KLHL29: variants seen among roughly 807,000 people sequenced by gnomAD.
KLHL29 encodes kelch like family member 29.
In KLHL29, 21 loss-of-function variants were observed where a neutral mutation model predicts 80.4. The ratio of observed to expected loss-of-function variants is 0.26; its 90% CI spans 0.19 to 0.38. KLHL29 has a LOEUF of 0.38. KLHL29 is among the 10% of genes least tolerant of loss of function. The pLI, the probability that KLHL29 is intolerant of heterozygous loss-of-function variation, is 1.00. For synonymous variants in KLHL29, 511 were observed against 526.8 expected, an observed-to-expected ratio of 0.97 and a Z score of 0.41; for missense variants, 867 against 1,223.9, an observed-to-expected ratio of 0.71 and a Z score of 4.35.
At chr2:23,663,822 G>C (rs775410959) in intron 5 of KLHL29, among the ~76,000 whole-genome samples, 1 of 152,216 alleles carries the variant, frequency 6.6e-6, no homozygotes, top group Non-Finnish European at 1.5e-5. Context: ...CTAAACTGCT[G>C]TGTCTGGAGT....
intron 2 of KLHL29, among the ~76,000 whole-genome samples, chr2:23,538,456 A>G (rs970415744): frequency 6.6e-6 from 1 of 152,202 alleles, no homozygotes; most frequent in African/African-American, 2.4e-5. Context: ...CTAGACCCTC[A>G]ACAAGGAGAT....
chr2:23,475,100 T>C (rs1171461922), intron 1 of KLHL29, among the ~76,000 whole-genome samples: 1 of 152,212 alleles, frequency 6.6e-6, no homozygotes, highest in African/African-American at 2.4e-5. Flanking sequence ...TGATTTGTTT[T>C]TGTAATTCTA....
At chr2:23,497,908 A>G (rs1212657086) in intron 2 of KLHL29, among the ~76,000 whole-genome samples, 2 of 152,230 alleles carry the variant, frequency 1.3e-5, no homozygotes, top group African/African-American at 4.8e-5. Flanking sequence ...TCAAGGAGAC[A>G]GAGATCTGTC....
intron 1 of KLHL29, among the ~76,000 whole-genome samples, chr2:23,399,245 A>G (rs1197079730): frequency 6.6e-6 from 1 of 152,168 alleles, no homozygotes; most frequent in Non-Finnish European, 1.5e-5. Context: ...TTTGGGTTCC[A>G]TGTTTTCCTT....
chr2:23,642,740 G>C lies in KLHL29; in HGVS notation c.830G>C (p.Gly277Ala). 1 of 1,550,134 alleles carries C rather than the reference G, an allele frequency of 6.5e-7. No homozygotes were observed. The highest frequency in any genetic ancestry group is 8.7e-7 in the Non-Finnish European group (1 of 1,146,786). ...CAGCCGTCCGCCACTCTCCCCAGTGGTGCCCCTGCCACCAATGGGCCCCCC... is the reference window on the plus strand; with the variant it reads ...CAGCCGTCCGCCACTCTCCCCAGTGCTGCCCCTGCCACCAATGGGCCCCCC... ...PAQPSATLPSGAPATNGPPTT... is the reference protein window; with the variant it reads ...PAQPSATLPSAAPATNGPPTT... The change falls in exon 5 of 14, where the codon GGT becomes GCT. Residue 277 changes from glycine (G) to alanine (A), a missense_variant. Transcript: ENST00000486442.
At chr2:23,706,370 C>A in intron 13 of KLHL29, 111 bp from the exon 14 acceptor site, 1 of 782,298 alleles carries the variant, frequency 1.3e-6, no homozygotes, top group Non-Finnish European at 1.8e-6. Flanking sequence ...ATCCCAGATG[C>A]CTTCTGCAAA....
intron 2 of KLHL29, among the ~76,000 whole-genome samples, chr2:23,513,035 T>C (rs1665819841): frequency 6.6e-6 from 1 of 152,238 alleles, no homozygotes; most frequent in African/African-American, 2.4e-5. Flanking sequence ...CTTGGCATGC[T>C]TCACGCGTGG....
chr2:23,665,802 G>A (rs1322692815), intron 5 of KLHL29, among the ~76,000 whole-genome samples: 3 of 152,140 alleles, frequency 2.0e-5, no homozygotes, highest in Admixed American at 6.5e-5. Context: ...TCTCATGACC[G>A]TGAGAGCTGC....
At chr2:23,576,474 G>A (rs1463089632) in intron 3 of KLHL29, among the ~76,000 whole-genome samples, 1 of 152,196 alleles carries the variant, frequency 6.6e-6, no homozygotes, top group Non-Finnish European at 1.5e-5. Flanking sequence ...GGAACGTTAT[G>A]AATATTGTGT....
At chr2:23,428,186 G>T (rs1198419739) in intron 1 of KLHL29, among the ~76,000 whole-genome samples, 2 of 152,212 alleles carry the variant, frequency 1.3e-5, no homozygotes, top group Non-Finnish European at 2.9e-5. Context: ...GACCGTGTCC[G>T]CAGAAGGCCT....
At chr2:23,655,137 A>G (rs1318185522) in intron 5 of KLHL29, among the ~76,000 whole-genome samples, 2 of 152,222 alleles carry the variant, frequency 1.3e-5, no homozygotes, top group Admixed American at 6.5e-5. Context: ...AAGTAACACA[A>G]GGGGCATTGG....
chr2:23,422,761 C>G, intron 1 of KLHL29, among the ~76,000 whole-genome samples: 1 of 148,472 alleles, frequency 6.7e-6, no homozygotes, highest in Non-Finnish European at 1.5e-5. Flanking sequence ...GTCTGTGTCT[C>G]TGTGTGTTGT....
chr2:23,655,052 C>T (rs1209475614), intron 5 of KLHL29, among the ~76,000 whole-genome samples: 1 of 152,202 alleles, frequency 6.6e-6, no homozygotes, highest in Non-Finnish European at 1.5e-5. Context: ...GATTCTTGGG[C>T]TCTTTCCTCA....
At chr2:23,622,961 G>A (rs542829494) in intron 3 of KLHL29, among the ~76,000 whole-genome samples, 1 of 152,280 alleles carries the variant, frequency 6.6e-6, no homozygotes, top group South Asian at 2.1e-4. Flanking sequence ...CCAGGCAGCT[G>A]GGCTCCAGAG....
chr2:23,670,925 T>A (rs368537396), intron 5 of KLHL29, among the ~76,000 whole-genome samples: 18,657 of 30,952 alleles, frequency 0.6, 4,714 homozygotes, highest in South Asian at 0.67. Context: ...GCGCTCTCTC[T>A]CTCTCTCTCT....
At chr2:23,663,874 C>T (rs1385206215) in intron 5 of KLHL29, among the ~76,000 whole-genome samples, 1 of 152,200 alleles carries the variant, frequency 6.6e-6, no homozygotes, top group Non-Finnish European at 1.5e-5. Flanking sequence ...ACGGACACAT[C>T]GCTTGTCGGT....
intron 3 of KLHL29, among the ~76,000 whole-genome samples, chr2:23,621,196 A>G (rs34889183): frequency 0.36 from 55,173 of 152,092 alleles, 10,731 homozygotes; most frequent in East Asian, 0.66. Context: ...CAGCAGCAGC[A>G]GCTGAGGAAC....
In KLHL29 at chr2:23,479,346, A is replaced by G. The variant is rs138675962; in HGVS notation, c.-46+3679A>G. ...GTCCGTTCCCTGCCTGGTGCCCTGC[A>G]GCTGCTCCGCACCTTTCCATCAACA... On this transcript the variant is annotated intron_variant, in intron 2 of 13. Coordinates refer to ENST00000486442, the MANE Select transcript of KLHL29 (RefSeq NM_052920.2). 1.8e-3 allele frequency among the ~76,000 whole-genome samples: 279 copies of G among 152,036 alleles called. 1 individual carries two copies. The highest frequency in any genetic ancestry group is 0.016 in the East Asian group (80 of 5,144).
At position 23,440,073 on chromosome 2, in the gene KLHL29, C is replaced by G. The variant is rs1663467698; in HGVS notation, c.-153-35487C>G. Among the ~76,000 whole-genome samples, 4 of 151,982 alleles carry G rather than the reference C, an allele frequency of 2.6e-5. 1 individual carries two copies. The South Asian group carries it at 8.4e-4, about 32-fold the overall frequency. On this transcript the variant is annotated intron_variant, in intron 1 of 13. Coordinates refer to ENST00000486442, the MANE Select transcript of KLHL29 (RefSeq NM_052920.2). The stretch of plus-strand genomic sequence containing the variant: ...CCCTTTACCATTATGTAATGGCCTT[C>G]TTTGTCTCTTTTGATCTTTGTTGGT...
Sources: gnomAD v4.1 joint callset for allele counts (sites outside exome capture counted in the v4.1 genomes callset) on GRCh38, gnomAD v4.1.1 for gene constraint, MANE v1.5 for transcripts, NCBI Gene and HGNC (gene_info 2026-07-23, HGNC 2026-07-21) for gene names.